ELMO1: variants seen among roughly 807,000 people sequenced by gnomAD.
The protein encoded by ELMO1 is engulfment and cell motility protein 1.
Under a neutral mutation model 98.9 loss-of-function variants are expected in ELMO1, and 26 were observed. The observed-to-expected ratio is 0.26, with a 90% confidence interval of 0.19 to 0.36. The LOEUF (loss-of-function observed/expected upper bound fraction) is 0.36. Ranked by LOEUF, ELMO1 falls within the 10% of genes least tolerant of loss-of-function variation. The probability of loss-of-function intolerance (pLI) is 1.00; values close to 1 mark genes in which losing one functional copy is unlikely to be tolerated. For missense variants in ELMO1, 627 were observed against 935.2 expected, an observed-to-expected ratio of 0.67 and a Z score of 4.30; for synonymous variants, 346 against 346.0, an observed-to-expected ratio of 1.00 and a Z score of 0.00.
Position 36,861,949 on chromosome 7 carries a change from A to C in ELMO1, c.1906-213T>G, listed in dbSNP as rs1408209667. On this transcript the variant is annotated intron_variant, in intron 20 of 21. Coordinates refer to ENST00000310758, the MANE Select transcript of ELMO1 (RefSeq NM_014800.11). ...GGCGGTCTGTGAACTATCTCATTTA[A>C]TTCGCATGCAGCCCATGTAGCAAGT... The C allele has an allele frequency of 9.0e-5, 52 of 578,348 alleles. No homozygotes were observed. In the East Asian group the frequency reaches 1.5e-3, roughly 16 times the overall value. 35.8% of individuals were successfully genotyped at this position (578,348 alleles called of 1,614,324 possible).
chr7:37,181,097 C>T (rs1790835876), intron 13 of ELMO1, among the ~76,000 whole-genome samples: 1 of 151,868 alleles, frequency 6.6e-6, no homozygotes. Context: ...TGAATTTTAC[C>T]TCAGTAAGAA....
At chr7:36,942,441 C>A (rs562509051) in intron 16 of ELMO1, among the ~76,000 whole-genome samples, 2 of 152,308 alleles carry the variant, frequency 1.3e-5, no homozygotes, top group South Asian at 4.1e-4. Context: ...CAAGTGACAA[C>A]CCTCAAATTG....
chr7:37,125,769 C>T (rs1258123680), intron 14 of ELMO1, among the ~76,000 whole-genome samples: 1 of 152,156 alleles, frequency 6.6e-6, no homozygotes, highest in Non-Finnish European at 1.5e-5. Flanking sequence ...ACTAGAAATA[C>T]CATTTGACCC....
At chr7:36,985,200 TC>T (rs1791408626) in intron 16 of ELMO1, 1 of 796,238 alleles carries the variant, frequency 1.3e-6, no homozygotes, top group Admixed American at 6.3e-5. Context: ...AGAGAGCCAA[TC>T]CTTGAATATA....
intron 4 of ELMO1, among the ~76,000 whole-genome samples, chr7:37,273,446 C>T (rs940871769): frequency 7.9e-5 from 12 of 152,170 alleles, no homozygotes; most frequent in African/African-American, 2.9e-4. Flanking sequence ...GCCTGCTTAC[C>T]TTTCTGCCAT....
chr7:36,917,974 T>C (rs1330550786), intron 16 of ELMO1, among the ~76,000 whole-genome samples: 1 of 152,194 alleles, frequency 6.6e-6, no homozygotes, highest in Non-Finnish European at 1.5e-5. Flanking sequence ...TTACTTTCTA[T>C]ATAGTCTATA....
At chr7:37,067,655 T>C (rs1797055433) in intron 15 of ELMO1, among the ~76,000 whole-genome samples, 1 of 152,208 alleles carries the variant, frequency 6.6e-6, no homozygotes, top group Non-Finnish European at 1.5e-5. Flanking sequence ...AAGTTATCTC[T>C]ATTAACTTTA....
chr7:37,141,426 C>A lies in ELMO1; in HGVS notation c.1087-8192G>T, dbSNP rs190731250. 2.6e-5 allele frequency among the ~76,000 whole-genome samples: 4 copies of A among 152,142 alleles called. No homozygotes were observed. The East Asian group carries it at 5.8e-4, about 22-fold the overall frequency. On this transcript the variant is annotated intron_variant, in intron 13 of 21. Transcript: ENST00000310758. ...CACATTGGGTACAGTGTACACTGCT[C>A]GGGTGACAGGTGCACCAAAATCTTA... is the stretch of plus-strand genomic sequence containing the variant.
rs1332703086 is a variant in ELMO1 at position 37,060,105 on chromosome 7, C to T, written c.1300+36514G>A. 2.6e-5 allele frequency among the ~76,000 whole-genome samples: 4 copies of T among 152,326 alleles called. No homozygotes were observed. In the East Asian group the frequency reaches 7.7e-4, roughly 29 times the overall value. The stretch of plus-strand genomic sequence containing the variant: ...CAGTCCCATGAGGTAAGAATTATTA[C>T]CCATGCTTTCATAAAGAGAACCTAA... On this transcript the variant is annotated intron_variant, in intron 15 of 21. Coordinates refer to ENST00000310758, the MANE Select transcript of ELMO1 (RefSeq NM_014800.11).
chr7:37,381,011 A>T (rs1287259716), intron 1 of ELMO1, among the ~76,000 whole-genome samples: 2 of 152,258 alleles, frequency 1.3e-5, no homozygotes, highest in Non-Finnish European at 2.9e-5. Context: ...CAAAAAGAGT[A>T]CTTGTTTACA....
intron 15 of ELMO1, among the ~76,000 whole-genome samples, chr7:37,092,013 C>T (rs1784121673): frequency 6.6e-6 from 1 of 152,176 alleles, no homozygotes; most frequent in Admixed American, 6.5e-5. Context: ...GGTGGGGACA[C>T]AGCCAAACCA....
intron 2 of ELMO1, among the ~76,000 whole-genome samples, chr7:37,332,391 C>A (rs1800179368): frequency 6.6e-6 from 1 of 152,196 alleles, no homozygotes; most frequent in African/African-American, 2.4e-5. Flanking sequence ...TATGCTGGCG[C>A]TGGGGACATA....
At chr7:37,331,994 A>G (rs11532670) in intron 2 of ELMO1, among the ~76,000 whole-genome samples, 9,813 of 152,216 alleles carry the variant, frequency 0.064, 411 homozygotes, top group Middle Eastern at 0.095. Flanking sequence ...GGTTGTTTAT[A>G]CAGGTCAGGG....
At chr7:37,445,738 C>T (rs953296699) in intron 1 of ELMO1, among the ~76,000 whole-genome samples, 13 of 152,216 alleles carry the variant, frequency 8.5e-5, no homozygotes, top group Admixed American at 2.6e-4. Context: ...AGGCATTTCT[C>T]ATCTCCCCTG....
chr7:37,055,228 G>T (rs920731229), intron 15 of ELMO1, among the ~76,000 whole-genome samples: 2 of 152,218 alleles, frequency 1.3e-5, no homozygotes, highest in African/African-American at 2.4e-5. Context: ...CTATAGAAAA[G>T]ACACTGTCCA....
At chr7:37,072,353 G>C (rs1376984237) in intron 15 of ELMO1, among the ~76,000 whole-genome samples, 1 of 152,130 alleles carries the variant, frequency 6.6e-6, no homozygotes, top group Non-Finnish European at 1.5e-5. Context: ...CATAAGATCG[G>C]CTGGTTTTAA....
chr7:37,435,413 C>G (rs1233765633), intron 1 of ELMO1, among the ~76,000 whole-genome samples: 1 of 152,214 alleles, frequency 6.6e-6, no homozygotes, highest in African/African-American at 2.4e-5. Flanking sequence ...CTTCAAAGCA[C>G]TTATCACTTC....
chr7:36,859,060 A>C (rs752211326), intron 21 of ELMO1, among the ~76,000 whole-genome samples: 5 of 152,192 alleles, frequency 3.3e-5, no homozygotes, highest in Non-Finnish European at 7.3e-5. Flanking sequence ...CCAATAAATA[A>C]ATTTCAAGGA....
chr7:36,864,025 T>C (rs138693944), intron 20 of ELMO1, among the ~76,000 whole-genome samples: 8 of 152,278 alleles, frequency 5.3e-5, no homozygotes, highest in Admixed American at 2.0e-4. Context: ...GATATTACAG[T>C]GGCGTGAGGG....
Sources: allele counts gnomAD v4.1 joint callset (sites outside exome capture counted in the v4.1 genomes callset), GRCh38; gene constraint gnomAD v4.1.1; transcripts MANE v1.5; gene names NCBI Gene and HGNC (gene_info 2026-07-23, HGNC 2026-07-21).